The following FAM234A variants were observed in gnomAD, a reference collection of about 807,000 sequenced individuals.
The protein encoded by FAM234A is family with sequence similarity 234 member A.
A neutral mutation model predicts 49.1 loss-of-function variants in FAM234A; 42 were observed. The observed-to-expected ratio is 0.86, with a 90% confidence interval of 0.67 to 1.11. The LOEUF (loss-of-function observed/expected upper bound fraction) is 1.11, where lower values mean the gene tolerates loss of function less well. FAM234A is among the 50% of genes least tolerant of loss of function. The probability of loss-of-function intolerance (pLI) is 0.00; values close to 1 mark genes in which losing one functional copy is unlikely to be tolerated. For missense variants in FAM234A, 815 were observed against 745.2 expected (o/e 1.09, Z -1.09); for synonymous variants, 369 against 316.2 (o/e 1.17, Z -1.77).
At chr16:249,523 T>G (rs1013427394) in intron 1 of FAM234A, 26 bp from the exon 2 acceptor site, 1 of 152,136 alleles carries the variant, frequency 6.6e-6, no homozygotes, top group Non-Finnish European at 1.5e-5. Flanking sequence ...TGAGCTGCAC[T>G]TGACAAGTGG....
chr16:242,699 G>C lies in FAM234A; in HGVS notation c.-139-6850G>C, dbSNP rs2050662355. Among the ~76,000 whole-genome samples the C allele has an allele frequency of 2.0e-5, 3 of 148,890 alleles. No homozygotes were observed. In the South Asian group the frequency reaches 6.3e-4, roughly 31 times the overall value. Reference sequence around the variant, plus strand: ...GCTATCTCAGCTCACTGCAACCTCTGCCCCCCGGGTTCAAGCGATTCTCCT... The same window carrying C: ...GCTATCTCAGCTCACTGCAACCTCTCCCCCCCGGGTTCAAGCGATTCTCCT... On this transcript the variant is annotated intron_variant, in intron 1 of 12. Coordinates refer to ENST00000399932, the MANE Select transcript of FAM234A (RefSeq NM_032039.4).
intron 1 of FAM234A, among the ~76,000 whole-genome samples, chr16:238,640 C>T (rs1019083225): frequency 1.5e-4 from 23 of 151,492 alleles, no homozygotes; most frequent in Admixed American, 1.3e-3. Context: ...GTGACGGGTG[C>T]CTGTAGTCCC....
At chr16:256,623 T>G (rs2051243825) in intron 3 of FAM234A, among the ~76,000 whole-genome samples, 1 of 151,994 alleles carries the variant, frequency 6.6e-6, no homozygotes, top group South Asian at 2.1e-4. Flanking sequence ...CAGGCTGGAG[T>G]GCAATGGCGC....
At chr16:262,736 A>G (rs1038644025) in intron 8 of FAM234A, among the ~76,000 whole-genome samples, 183 bp downstream of exon 8, 11 of 151,998 alleles carry the variant, frequency 7.2e-5, no homozygotes, top group Non-Finnish European at 1.3e-4. Context: ...AGTTGAGTAA[A>G]GAGAAGAAAG....
chr16:241,271 G>GA (rs1230684180), intron 1 of FAM234A, among the ~76,000 whole-genome samples: 3 of 104,566 alleles, frequency 2.9e-5, no homozygotes, highest in African/African-American at 1.9e-4. Context: ...TACACAAAAA[G>GA]AAAGAAAAAA....
intron 2 of FAM234A, among the ~76,000 whole-genome samples, chr16:249,985 G>A (rs1202319834): frequency 2.0e-5 from 3 of 151,812 alleles, no homozygotes; most frequent in East Asian, 1.9e-4. Context: ...TCGCTCTGTC[G>A]CCCAGGCTGG....
At position 262,345 on chromosome 16, in the gene FAM234A, T is replaced by C. The variant is rs370270796; in HGVS notation, c.842-79T>C. ...GAGTCAGGAAGCCCAGGGGCCTGGC[T>C]CCATGTGGCACTGCGTGCCCCTGGT... On this transcript the variant is annotated intron_variant, in intron 7 of 12. Coordinates refer to ENST00000399932, the MANE Select transcript of FAM234A (RefSeq NM_032039.4). The C allele has an allele frequency of 7.7e-6, 12 of 1,560,012 alleles. No homozygotes were observed. In the South Asian group the frequency reaches 1.5e-4, roughly 19 times the overall value.
chr16:266,995 C>G (rs2051711068), downstream of FAM234A, among the ~76,000 whole-genome samples: 1 of 152,092 alleles, frequency 6.6e-6, no homozygotes, highest in Non-Finnish European at 1.5e-5. Flanking sequence ...TGAGCCCCAC[C>G]CTGAGAAGCC....
At chr16:259,909 G>A (rs2141331056) in intron 4 of FAM234A, 60 bp from the exon 5 acceptor site, 3 of 1,481,222 alleles carry the variant, frequency 2.0e-6, no homozygotes, top group Non-Finnish European at 2.8e-6. Context: ...ACATGCTGGG[G>A]CTGGCCGGCC....
chr16:247,156 G>C (rs2050841063), intron 1 of FAM234A: 1 of 151,846 alleles, frequency 6.6e-6, no homozygotes, highest in Non-Finnish European at 1.5e-5. Flanking sequence ...TTGAGACAGA[G>C]CTTTACTCTG....
downstream of FAM234A, chr16:269,767 C>A: frequency 3.5e-6 from 2 of 575,940 alleles, no homozygotes; most frequent in East Asian, 2.9e-5. Flanking sequence ...GAGACCTGGG[C>A]TCCCGTCTGC....
At chr16:251,170 C>A (rs1596790644) in intron 2 of FAM234A, among the ~76,000 whole-genome samples, 1 of 152,104 alleles carries the variant, frequency 6.6e-6, no homozygotes, top group Admixed American at 6.6e-5. Context: ...ATTGGCCAGG[C>A]TGGTCTCGAA....
chr16:237,055 GTTTA>G (rs1271385393), intron 1 of FAM234A, among the ~76,000 whole-genome samples: 2 of 150,280 alleles, frequency 1.3e-5, no homozygotes, highest in African/African-American at 4.9e-5. Flanking sequence ...CGCCCAGCCT[GTTTA>G]TTTATTTATG....
chr16:265,900 TCA>T lies in FAM234A; in HGVS notation c.*882_*883del, dbSNP rs1010700062. On this transcript the variant is annotated 3_prime_UTR_variant, in exon 13 of 13. Coordinates refer to ENST00000399932, the MANE Select transcript of FAM234A (RefSeq NM_032039.4). Reference sequence around the variant, plus strand: ...GCGCCTGCCTCTCCCCTTCCGGTGCTCACACGCCCACGCCGTGCCACCCGATG... The same window carrying T: ...GCGCCTGCCTCTCCCCTTCCGGTGCTCACGCCCACGCCGTGCCACCCGATG... 21 of 986,458 alleles carry T rather than the reference TCA, an allele frequency of 2.1e-5. No homozygotes were observed. The Admixed American group carries it at 8.0e-4, about 37-fold the overall frequency. The allele number at this position is 986,458 out of a possible 1,614,324, so 61.1% of individuals were successfully genotyped here.
intron 1 of FAM234A, among the ~76,000 whole-genome samples, chr16:247,437 G>GATTTTTTTTT (rs1475482977): frequency 6.6e-6 from 1 of 151,374 alleles, no homozygotes; most frequent in Non-Finnish European, 1.5e-5. Flanking sequence ...CCTTATTAAT[G>GATTTTTTTTT]ATTTTTTTTT....
At chr16:269,233 G>C, downstream of FAM234A, 1 of 1,407,672 alleles carries the variant, frequency 7.1e-7, no homozygotes, top group Non-Finnish European at 9.8e-7. Flanking sequence ...AGGACGTTGA[G>C]CTGCAGGGAC....
intron 2 of FAM234A, chr16:253,841 A>G (rs2051117012): frequency 6.4e-6 from 1 of 155,184 alleles, no homozygotes; most frequent in African/African-American, 2.4e-5. Flanking sequence ...AGATAAGGAA[A>G]CTGAGGCACA....
intron 1 of FAM234A, among the ~76,000 whole-genome samples, chr16:244,682 CTTTTTTTTT>C (rs59549388): frequency 3.5e-5 from 3 of 86,740 alleles, no homozygotes; most frequent in Admixed American, 2.5e-4. Flanking sequence ...ATGGTAACCT[CTTTTTTTTT>C]TTTTTTTTTT....
intron 8 of FAM234A, among the ~76,000 whole-genome samples, chr16:262,967 G>C (rs576588848): frequency 1.3e-5 from 2 of 151,848 alleles, no homozygotes; most frequent in Non-Finnish European, 1.5e-5. Flanking sequence ...TTACAGGCGC[G>C]CACCTCCACG....
Sources: allele counts gnomAD v4.1 joint callset (sites outside exome capture counted in the v4.1 genomes callset), GRCh38; gene constraint gnomAD v4.1.1; transcripts MANE v1.5; gene names NCBI Gene and HGNC (gene_info 2026-07-23, HGNC 2026-07-21).